The following TCTN2 variants were observed in gnomAD, a reference collection of about 807,000 sequenced individuals.
TCTN2 encodes tectonic family member 2, also known as tectonic-2.
Under a neutral mutation model 83.4 loss-of-function variants are expected in TCTN2, and 66 were observed. The ratio of observed to expected loss-of-function variants is 0.79; its 90% CI spans 0.65 to 0.97. The LOEUF (loss-of-function observed/expected upper bound fraction) is 0.97. TCTN2 is among the 50% of genes least tolerant of loss of function. TCTN2 has a pLI of 0.00. For synonymous variants in TCTN2, 301 were observed against 326.7 expected (o/e 0.92, Z 0.85); for missense variants, 794 against 858.1 (o/e 0.93, Z 0.93).
At chr12:123,689,607 AC>A (rs1190629607) in intron 7 of TCTN2, among the ~76,000 whole-genome samples, 1 of 152,078 alleles carries the variant, frequency 6.6e-6, no homozygotes, top group East Asian at 1.9e-4. Flanking sequence ...ATTATTTGTC[AC>A]CCAGGTACTA....
intron 4 of TCTN2, among the ~76,000 whole-genome samples, chr12:123,678,883 C>T (rs777854475): frequency 4.6e-5 from 7 of 151,842 alleles, no homozygotes; most frequent in African/African-American, 1.5e-4. Context: ...CTGCAAGCTC[C>T]GCCTCCCGGG....
At chr12:123,673,844 G>A (rs771902617) in intron 4 of TCTN2, 34 bp downstream of exon 4, 19 of 1,600,902 alleles carry the variant, frequency 1.2e-5, no homozygotes, top group Non-Finnish European at 1.5e-5. Flanking sequence ...AAACTTTCAT[G>A]TTGTTCCCAG....
intron 6 of TCTN2, among the ~76,000 whole-genome samples, chr12:123,687,760 C>A (rs12829984): frequency 6.6e-6 from 1 of 151,720 alleles, no homozygotes; most frequent in South Asian, 2.1e-4. Flanking sequence ...GTTGGGAGTT[C>A]AAGACGAGCC....
chr12:123,676,137 G>C lies in TCTN2; in HGVS notation c.463+2327G>C, dbSNP rs529504438. Among the ~76,000 whole-genome samples, 4 of 152,224 alleles carry C rather than the reference G, an allele frequency of 2.6e-5. No homozygotes were observed. In the South Asian group the frequency reaches 6.2e-4, roughly 24 times the overall value. ...CTACAAACAAATACTACAATTAGCT[G>C]TGCGTGGTAGTCGGTGCCTGTAGCC... On this transcript the variant is annotated intron_variant, in intron 4 of 17. Coordinates refer to ENST00000303372, the MANE Select transcript of TCTN2 (RefSeq NM_024809.5).
At chr12:123,694,813 A>T (rs752188483) in intron 9 of TCTN2, 29 bp from the exon 10 acceptor site, 1 of 1,605,866 alleles carries the variant, frequency 6.2e-7, no homozygotes, top group East Asian at 2.2e-5. Flanking sequence ...GAGGGTCTTT[A>T]ATTTATGAAC....
In TCTN2 at chr12:123,671,126, T is replaced by C. The variant is rs941153414; in HGVS notation, c.-115T>C. 2 of 1,049,786 alleles carry C rather than the reference T, an allele frequency of 1.9e-6. No homozygotes were observed. Among genetic ancestry groups the C allele is most frequent in the African/African-American group, 1.6e-5 (1 of 63,570 alleles). 65.0% of individuals were successfully genotyped at this position (1,049,786 alleles called of 1,614,324 possible). On this transcript the variant is annotated 5_prime_UTR_variant, in exon 1 of 18. Transcript: ENST00000303372. ...TTGGTGGTTGCCATAGCTCCGGGCG[T>C]TCGCTTGCAAGATGGCGGCGGCGGG...
chr12:123,707,733 T>G lies in TCTN2; in HGVS notation c.*20T>G. On this transcript the variant is annotated 3_prime_UTR_variant, in exon 18 of 18. Transcript: ENST00000303372. ...AGTTAGACAACCACCTGGCTTTTAT[T>G]TTTTTGAGATGGAGTTTTGCTCTTG... The G allele has an allele frequency of 3.8e-6, 6 of 1,593,400 alleles. No individual in the cohort carries two copies. The highest frequency in any genetic ancestry group is 4.3e-6 in the Non-Finnish European group (5 of 1,161,216).
chr12:123,701,667 C>T (rs886303880), intron 14 of TCTN2, among the ~76,000 whole-genome samples: 5 of 151,250 alleles, frequency 3.3e-5, no homozygotes, highest in African/African-American at 4.9e-5. Context: ...GGTAGGAACC[C>T]GGGAGGCGGA....
At chr12:123,693,696 C>T (rs1250556777) in intron 9 of TCTN2, among the ~76,000 whole-genome samples, 3 of 151,984 alleles carry the variant, frequency 2.0e-5, no homozygotes, top group Admixed American at 1.3e-4. Context: ...TCAGGTGATC[C>T]ACCTGCCTTG....
chr12:123,679,463 G>A (rs1955867318), intron 5 of TCTN2, among the ~76,000 whole-genome samples, 174 bp downstream of exon 5: 1 of 152,110 alleles, frequency 6.6e-6, no homozygotes. Context: ...CCGGGCTCAA[G>A]TGATTCTCTT....
At chr12:123,671,983 A>G (rs772712060) in intron 2 of TCTN2, 73 bp from the exon 3 acceptor site, 1 of 1,226,994 alleles carries the variant, frequency 8.2e-7, no homozygotes, top group Non-Finnish European at 1.2e-6. Context: ...AGTCCATCCT[A>G]GGCAGTCTGA....
intron 3 of TCTN2, among the ~76,000 whole-genome samples, chr12:123,673,219 T>A (rs1955777864): frequency 6.6e-6 from 1 of 152,212 alleles, no homozygotes; most frequent in African/African-American, 2.4e-5. Context: ...GCTCTGCTTG[T>A]ACCCCAGGAG....
At position 123,686,973 on chromosome 12, in the gene TCTN2, TC is replaced by T. The variant is rs760830696; in HGVS notation, c.703del (p.Leu235CysfsTer52). 2.2e-5 allele frequency: 35 copies of T among 1,614,078 alleles called. No individual in the cohort carries two copies. Among genetic ancestry groups the T allele is most frequent in the African/African-American group, 4.0e-5 (3 of 74,936 alleles). On this transcript the variant is annotated frameshift_variant, in exon 6 of 18. Coordinates refer to ENST00000303372, the MANE Select transcript of TCTN2 (RefSeq NM_024809.5). LOFTEE classifies it high-confidence loss of function. ...GTGGTGTCCCCGATTGGTTTCCCTTTCTGTGTGTGCAGTCCCCCCTTGCCAA... is the reference window on the plus strand; with the variant it reads ...GTGGTGTCCCCGATTGGTTTCCCTTTTGTGTGTGCAGTCCCCCCTTGCCAA... The part of the protein sequence containing the change: ...TRGVPDWFPF[L>X]CVQSPLANTP...
Position 123,695,291 on chromosome 12 carries a change from A to G in TCTN2, c.1306A>G (p.Asn436Asp). The change falls in exon 11 of 18, where the codon AAT (asparagine) becomes GAT (aspartate). Residue 436 changes from asparagine to aspartate, a missense_variant. Physicochemically the swap from Asn to Asp is conservative, Grantham distance 23. Coordinates refer to ENST00000303372, the MANE Select transcript of TCTN2 (RefSeq NM_024809.5). ...TGGTAATGAAGAAGAATTATCTGGA[A>G]ATCCAGGTAAGATGAGTATATGCCA... is the stretch of plus-strand genomic sequence containing the variant. Reference protein sequence around the residue: ...NSGNEEELSGNPGYQLGKPVR... With the variant: ...NSGNEEELSGDPGYQLGKPVR... 1 of 1,573,966 alleles carries G rather than the reference A, an allele frequency of 6.4e-7. No individual in the cohort carries two copies. The highest frequency in any genetic ancestry group is 1.1e-5 in the South Asian group (1 of 90,208).
At chr12:123,671,449 C>T in intron 1 of TCTN2, 58 bp from the exon 2 acceptor site, 1 of 1,593,930 alleles carries the variant, frequency 6.3e-7, no homozygotes, top group South Asian at 1.1e-5. Context: ...CCACACACAC[C>T]TTAGGCGGTG....
rs1298831476 is a variant in TCTN2 at position 123,684,176 on chromosome 12, A to G, written c.565-2660A>G. Among the ~76,000 whole-genome samples, 4 of 152,154 alleles carry G rather than the reference A, an allele frequency of 2.6e-5. No homozygotes were observed. In the East Asian group the frequency reaches 7.7e-4, roughly 29 times the overall value. On this transcript the variant is annotated intron_variant, in intron 5 of 17. Transcript: ENST00000303372. Reference sequence around the variant, plus strand: ...ATCCTTGAATATGTGTTTGGAGATAAGTACACACCCATGAGCTCATCCACG... The same window carrying G: ...ATCCTTGAATATGTGTTTGGAGATAGGTACACACCCATGAGCTCATCCACG...
chr12:123,706,779 C>A lies in TCTN2; in HGVS notation c.1823C>A (p.Ala608Asp). The stretch of plus-strand genomic sequence containing the variant: ...TGTGGGCTTACCTGTGAGCACAAGG[C>A]CGACCTTCTCCCTATCAGTGCATCC... ...YQCGLTCEHK[A>D]DLLPISASVQ... Residue 608 changes from alanine to aspartate, a missense_variant, in exon 16 of 18, where the codon GCC (alanine) becomes GAC (aspartate). Physicochemically the swap from Ala to Asp is moderately radical, Grantham distance 126 (BLOSUM62 -2). Transcript: ENST00000303372. 1 of 1,614,136 alleles carries A rather than the reference C, an allele frequency of 6.2e-7. No homozygotes were observed. Among genetic ancestry groups the A allele is most frequent in the Non-Finnish European group, 8.5e-7 (1 of 1,180,020 alleles).
intron 5 of TCTN2, among the ~76,000 whole-genome samples, chr12:123,685,147 T>C (rs1955948863): frequency 6.6e-6 from 1 of 152,122 alleles, no homozygotes; most frequent in South Asian, 2.1e-4. Context: ...CAGGCCACGC[T>C]GTGTCCCATG....
chr12:123,691,786 C>T (rs1400899022), intron 8 of TCTN2, among the ~76,000 whole-genome samples: 2 of 150,182 alleles, frequency 1.3e-5, no homozygotes, highest in Non-Finnish European at 2.9e-5. Flanking sequence ...GGCTGGAGTG[C>T]AGTGACGTGA....
Sources: gnomAD v4.1 joint callset for allele counts (sites outside exome capture counted in the v4.1 genomes callset) on GRCh38, gnomAD v4.1.1 for gene constraint, MANE v1.5 for transcripts, NCBI Gene and HGNC (gene_info 2026-07-23, HGNC 2026-07-21) for gene names.